The following SLC14A2 variants were observed in gnomAD, a reference collection of about 807,000 sequenced individuals.
SLC14A2 encodes urea transporter 2.
SLC14A2 carries 91 observed loss-of-function variants against 104.6 expected under a neutral mutation model. That is an observed-to-expected ratio of 0.87 (90% CI 0.73 to 1.04). The LOEUF (loss-of-function observed/expected upper bound fraction) is 1.04, where lower values mean the gene tolerates loss of function less well. Ranked by LOEUF, SLC14A2 falls within the 50% of genes least tolerant of loss-of-function variation. The pLI is 0.00. For synonymous variants in SLC14A2, 476 were observed against 466.4 expected (o/e 1.02, Z -0.27); for missense variants, 1,189 against 1,156.0 (o/e 1.03, Z -0.41).
chr18:45,363,332 T>A (rs1434021795), intron 1 of SLC14A2, among the ~76,000 whole-genome samples: 1 of 151,886 alleles, frequency 6.6e-6, no homozygotes, highest in Non-Finnish European at 1.5e-5. Context: ...TTTCTAATAA[T>A]TGTATCTATG....
intron 1 of SLC14A2, among the ~76,000 whole-genome samples, chr18:45,405,628 T>A (rs1170852777): frequency 2.6e-5 from 4 of 152,086 alleles, no homozygotes; most frequent in Non-Finnish European, 5.9e-5. Context: ...ATTGGCCGGG[T>A]GTGGTGGCTC....
chr18:45,643,737 G>C (rs1338738510), intron 9 of SLC14A2, among the ~76,000 whole-genome samples: 3 of 152,094 alleles, frequency 2.0e-5, no homozygotes, highest in African/African-American at 7.2e-5. Flanking sequence ...TGTTGCCAAG[G>C]CTGGTCTGGG....
At chr18:45,331,645 C>T (rs953737468) in intron 1 of SLC14A2, among the ~76,000 whole-genome samples, 7 of 151,172 alleles carry the variant, frequency 4.6e-5, no homozygotes, top group Non-Finnish European at 8.8e-5. Flanking sequence ...GAGCCGAGAT[C>T]GCACCACTGC....
chr18:45,558,205 C>A (rs753664093), intron 2 of SLC14A2, among the ~76,000 whole-genome samples: 2 of 152,184 alleles, frequency 1.3e-5, no homozygotes, highest in African/African-American at 4.8e-5. Flanking sequence ...CCTTCCAAAT[C>A]CCATCTGTCC....
At chr18:45,525,668 G>T (rs1023046651) in intron 2 of SLC14A2, among the ~76,000 whole-genome samples, 1 of 152,184 alleles carries the variant, frequency 6.6e-6, no homozygotes, top group Admixed American at 6.5e-5. Flanking sequence ...ATTAGCATTT[G>T]GTAGATCTGC....
chr18:45,222,689 CA>C (rs11302002), intron 1 of SLC14A2, among the ~76,000 whole-genome samples: 48,306 of 152,060 alleles, frequency 0.32, 8,250 homozygotes, highest in African/African-American at 0.45. Context: ...TTCAGGTCTG[CA>C]AAAGATCACC....
chr18:45,431,298 G>T (rs751018674), intron 1 of SLC14A2, among the ~76,000 whole-genome samples: 1 of 152,022 alleles, frequency 6.6e-6, no homozygotes, highest in African/African-American at 2.4e-5. Context: ...TGAGTGTGTT[G>T]TGCGTGGTCT....
chr18:45,237,373 A>G (rs1330736625), intron 1 of SLC14A2, among the ~76,000 whole-genome samples: 1 of 152,140 alleles, frequency 6.6e-6, no homozygotes, highest in African/African-American at 2.4e-5. Flanking sequence ...TGAGATATAG[A>G]TTCTAGGTAA....
chr18:45,543,934 C>G (rs2043928507), intron 2 of SLC14A2, among the ~76,000 whole-genome samples: 1 of 152,192 alleles, frequency 6.6e-6, no homozygotes, highest in Non-Finnish European at 1.5e-5. Context: ...GCTATGAGGC[C>G]AGCCCCAAGT....
chr18:45,575,884 T>C (rs936924032), intron 2 of SLC14A2, among the ~76,000 whole-genome samples: 8 of 151,994 alleles, frequency 5.3e-5, no homozygotes, highest in African/African-American at 1.7e-4. Flanking sequence ...TGAGTAGTTC[T>C]CGATGTTTTC....
At chr18:45,270,641 T>C (rs901129942) in intron 1 of SLC14A2, among the ~76,000 whole-genome samples, 13 of 152,280 alleles carry the variant, frequency 8.5e-5, no homozygotes, top group African/African-American at 3.1e-4. Context: ...TATGTGCTCA[T>C]TGGATCTCTA....
At chr18:45,212,084 G>A (rs1393334248), upstream of SLC14A2, among the ~76,000 whole-genome samples, 3 of 152,078 alleles carry the variant, frequency 2.0e-5, no homozygotes, top group East Asian at 5.8e-4. Context: ...TTCTGTGATA[G>A]GGTTATTTAA....
At chr18:45,657,590 G>C (rs1250434287) in intron 10 of SLC14A2, among the ~76,000 whole-genome samples, 1 of 151,930 alleles carries the variant, frequency 6.6e-6, no homozygotes, top group Non-Finnish European at 1.5e-5. Flanking sequence ...AAAGAAAAAA[G>C]AAAGAAACTG....
rs185145941 is a variant in SLC14A2, at chr18:45,431,612, C to T, written c.-124-51621C>T. 7.0e-4 allele frequency among the ~76,000 whole-genome samples: 106 copies of T among 152,228 alleles called. 2 individuals are homozygous for T. The highest frequency in any genetic ancestry group is 5.0e-3 in the East Asian group (26 of 5,182). On this transcript the variant is annotated intron_variant, in intron 1 of 20. Coordinates refer to the SLC14A2 transcript ENST00000586448. ...GGGCAGGGGGACACAGAAAGCTGGA[C>T]GTTAGGGCACCACCTCAGCCTGAAG...
the SLC14A2 span, among the ~76,000 whole-genome samples, chr18:45,178,405 A>T: frequency 6.6e-6 from 1 of 152,164 alleles, no homozygotes; most frequent in Non-Finnish European, 1.5e-5. Context: ...GCAAGAAAAC[A>T]TAGCAGAATA....
chr18:45,427,498 G>A (rs1332420352), intron 1 of SLC14A2, among the ~76,000 whole-genome samples: 1 of 152,130 alleles, frequency 6.6e-6, no homozygotes, highest in Non-Finnish European at 1.5e-5. Context: ...TTGGGTGCAG[G>A]CAGACCAACA....
chr18:45,667,857 TTGAC>T lies in SLC14A2; in HGVS notation c.1745_1748del (p.Asp582GlyfsTer9). The T allele has an allele frequency of 6.2e-7, 1 of 1,614,174 alleles. No individual in the cohort carries two copies. Among genetic ancestry groups the T allele is most frequent in the Admixed American group, 1.7e-5 (1 of 60,028 alleles). On this transcript the variant is annotated frameshift_variant, in exon 14 of 20. Coordinates refer to ENST00000255226, the MANE Select transcript of SLC14A2 (RefSeq NM_007163.4). LOFTEE classifies it high-confidence loss of function. ...GACAAGTCCCCAGTGTTCCAGTTCT[TTGAC>T]TGGGTCCTCCGAGGCACATCTCAAG...
chr18:45,287,898 C>A (rs928718105), intron 1 of SLC14A2, among the ~76,000 whole-genome samples: 1 of 152,180 alleles, frequency 6.6e-6, no homozygotes, highest in African/African-American at 2.4e-5. Context: ...CCATGGCCAT[C>A]CTTGACCCCA....
chr18:45,403,759 G>GATGAATGAATGAATGA (rs57905800), intron 1 of SLC14A2, among the ~76,000 whole-genome samples: 41,069 of 135,062 alleles, frequency 0.3, 6,519 homozygotes, highest in Non-Finnish European at 0.39. Flanking sequence ...TTTAATCAGT[G>GATGAATGAATGAATGA]ATGAATGAAT....
Sources: gnomAD v4.1 joint callset for allele counts (sites outside exome capture counted in the v4.1 genomes callset) on GRCh38, gnomAD v4.1.1 for gene constraint, MANE v1.5 for transcripts, NCBI Gene and HGNC (gene_info 2026-07-23, HGNC 2026-07-21) for gene names.